RNH1: variants seen among roughly 807,000 people sequenced by gnomAD.
The protein encoded by RNH1 is ribonuclease inhibitor.
A neutral mutation model predicts 46.1 loss-of-function variants in RNH1; 38 were observed. The ratio of observed to expected loss-of-function variants is 0.82; its 90% CI spans 0.64 to 1.08. The LOEUF (loss-of-function observed/expected upper bound fraction) is 1.08. Among genes scored for constraint, RNH1 ranks in the 50% least tolerant of loss-of-function variants. RNH1 has a pLI of 0.00. For synonymous variants in RNH1, 319 were observed against 279.1 expected (o/e 1.14, Z -1.43); for missense variants, 577 against 590.7 (o/e 0.98, Z 0.24).
chr11:507,012 A>T (rs1002863413), intron 1 of RNH1, 101 bp downstream of exon 1: 1 of 151,856 alleles, frequency 6.6e-6, no homozygotes, highest in Non-Finnish European at 1.5e-5. Context: ...CCCGCGCAGC[A>T]ACGGCCTCAA....
chr11:497,879 C>A, intron 9 of RNH1, 92 bp downstream of exon 9: 1 of 1,457,200 alleles, frequency 6.9e-7, no homozygotes, highest in Non-Finnish European at 9.3e-7. Context: ...GACACTCGTG[C>A]TCACACAGAT....
At chr11:496,094 G>T (rs1849032182) in intron 9 of RNH1, among the ~76,000 whole-genome samples, 1 of 151,686 alleles carries the variant, frequency 6.6e-6, no homozygotes, top group Non-Finnish European at 1.5e-5. Context: ...CATAAGAAAG[G>T]AGAGAGAAAA....
intron 9 of RNH1, 135 bp downstream of exon 9, chr11:497,836 C>T (rs1849312158): frequency 2.8e-6 from 3 of 1,078,946 alleles, no homozygotes; most frequent in Non-Finnish European, 4.0e-6. Context: ...CGTGCTCACA[C>T]TCGCCTCACC....
rs1849414548 is a variant in RNH1, at chr11:498,795, C to A, written c.753G>T (p.Leu251=). The A allele has an allele frequency of 6.2e-7, 1 of 1,605,506 alleles. No homozygotes were observed. Among genetic ancestry groups the A allele is most frequent in the Non-Finnish European group, 8.5e-7 (1 of 1,179,118 alleles). The change falls in exon 7 of 11, where the codon CTG becomes CTT. Residue 251 remains leucine, a synonymous_variant. Coordinates refer to ENST00000354420, the MANE Select transcript of RNH1 (RefSeq NM_203387.3). ...TCCTGAGCCTGGAGCTGGGGTGGAG[C>A]AGCCCTGGGCACAGCTCCGCCATGC... ...DVGMAELCPG[L]LHPSSRLRTL...
Position 494,771 on chromosome 11 carries a change from C to G in RNH1, c.1306G>C (p.Asp436His). ...TCCATCTCCTCAGACCAGTAAATGTCGTACAGGCTGCACACAGGCCAGAAG... is the reference window on the plus strand; with the variant it reads ...TCCATCTCCTCAGACCAGTAAATGTGGTACAGGCTGCACACAGGCCAGAAG... ...GCLLEQLVLY[D>H]IYWSEEMEDR... The change falls in exon 11 of 11, where the codon GAC (aspartate) becomes CAC (histidine). Residue 436 changes from aspartate (D) to histidine (H), a missense_variant. Transcript: ENST00000354420. 6.2e-7 allele frequency: 1 copy of G among 1,613,948 alleles called. No individual in the cohort carries two copies. The highest frequency in any genetic ancestry group is 8.5e-7 in the Non-Finnish European group (1 of 1,179,964).
rs1849726037 is a variant in RNH1, at chr11:501,235, T to C, written c.102-581A>G. 5.0e-6 allele frequency: 1 copy of C among 201,338 alleles called. No individual in the cohort carries two copies. Among genetic ancestry groups the C allele is most frequent in the African/African-American group, 2.3e-5 (1 of 42,842 alleles). The allele number at this position is 201,338 out of a possible 1,614,324, so 12.5% of individuals were successfully genotyped here. A position where few individuals can be genotyped will look rare whatever the true frequency, so the allele number is the denominator to read the frequency against. On this transcript the variant is annotated intron_variant, in intron 3 of 10. Transcript: ENST00000354420. This position sits in a 1 kb window ranked among gnomAD's most constrained non-coding sequence, Gnocchi z 4.1. Reference sequence around the variant, plus strand: ...GACGGCGCCTGTGACAGGACGCTCCTGGCAGGCCCCACGGCATCTCCCTGC... The same window carrying C: ...GACGGCGCCTGTGACAGGACGCTCCCGGCAGGCCCCACGGCATCTCCCTGC...
At position 499,524 on chromosome 11, in the gene RNH1, T is replaced by C. The variant is rs1035603414; in HGVS notation, c.443+305A>G. The C allele has an allele frequency of 4.3e-6, 3 of 696,688 alleles. No homozygotes were observed. The Admixed American group carries it at 6.0e-5, about 14-fold the overall frequency. The allele number at this position is 696,688 out of a possible 1,614,324, so 43.2% of individuals were successfully genotyped here. ...GGGTCCCCCACACACACTGAGGCGG[T>C]GAGTGGAACCTGACTCACGGCCAGG... On this transcript the variant is annotated intron_variant, in intron 5 of 10. Coordinates refer to ENST00000354420, the MANE Select transcript of RNH1 (RefSeq NM_203387.3).
At chr11:497,359 A>G (rs3020895) in intron 9 of RNH1, among the ~76,000 whole-genome samples, 75,155 of 129,480 alleles carry the variant, frequency 0.58, 21,698 homozygotes, top group African/African-American at 0.75. Flanking sequence ...ACGGACACTC[A>G]TGCTCACTCA....
At chr11:497,130 C>A (rs1484813268) in intron 9 of RNH1, among the ~76,000 whole-genome samples, 7 of 146,826 alleles carry the variant, frequency 4.8e-5, no homozygotes, top group Non-Finnish European at 1.1e-4. Flanking sequence ...CGCCCATGTG[C>A]TCACACTCAC....
chr11:506,685 T>A (rs1052132101), intron 1 of RNH1: 7 of 152,218 alleles, frequency 4.6e-5, no homozygotes, highest in Admixed American at 4.6e-4. Flanking sequence ...GGCCGCTTCT[T>A]TGGGGGAATA....
Position 499,225 on chromosome 11 carries a change from A to C in RNH1, c.444-40T>G, listed in dbSNP as rs778630571. The stretch of plus-strand genomic sequence containing the variant: ...AGCTCAGCACCACACAGGAATGTGC[A>C]CCAGCCAAGGGTGTGATACCAGGGA... On this transcript the variant is annotated intron_variant, in intron 5 of 10. Transcript: ENST00000354420. 15 of 1,604,088 alleles carry C rather than the reference A, an allele frequency of 9.4e-6. No homozygotes were observed. In the South Asian group the frequency reaches 1.6e-4, roughly 18 times the overall value.
chr11:497,856 TCA>T (rs1849315063), intron 9 of RNH1, 113 bp downstream of exon 9: 11 of 1,271,614 alleles, frequency 8.7e-6, no homozygotes, highest in East Asian at 2.4e-5. Flanking sequence ...CCATGTGTGC[TCA>T]CATACACACG....
chr11:495,857 C>T (rs1849005159), intron 9 of RNH1, among the ~76,000 whole-genome samples: 1 of 152,178 alleles, frequency 6.6e-6, no homozygotes, highest in Admixed American at 6.5e-5. Context: ...GCACCTGGTG[C>T]CCAGCCCAGG....
intron 1 of RNH1, chr11:505,378 C>G (rs546974600): frequency 6.6e-6 from 1 of 152,018 alleles, no homozygotes; most frequent in African/African-American, 2.4e-5. Context: ...TGAAGGCTAC[C>G]CTGGGGTGTC....
intron 2 of RNH1, among the ~76,000 whole-genome samples, chr11:503,730 G>A (rs1359826432): frequency 2.0e-5 from 3 of 152,188 alleles, no homozygotes; most frequent in Non-Finnish European, 4.4e-5. Flanking sequence ...GGTGGCCCCA[G>A]GGTGTCCTCC....
chr11:506,373 G>A (rs1273803925), intron 1 of RNH1: 1 of 152,182 alleles, frequency 6.6e-6, no homozygotes, highest in African/African-American at 2.4e-5. Context: ...ACCTTGGCTG[G>A]AACCTCGCCC....
At chr11:503,039 G>C (rs1204574576) in intron 2 of RNH1, 1 of 152,324 alleles carries the variant, frequency 6.6e-6, no homozygotes, top group Non-Finnish European at 1.5e-5. Context: ...ACCTTGGTTG[G>C]TGGATACATT....
intron 9 of RNH1, among the ~76,000 whole-genome samples, chr11:496,698 A>G (rs192683666): frequency 1.5e-4 from 23 of 152,384 alleles, no homozygotes; most frequent in Admixed American, 1.3e-3. Flanking sequence ...TTAGCCGGGC[A>G]TAATGGTGCA....
chr11:500,163 G>A (rs1849612676), intron 4 of RNH1, 164 bp from the exon 5 acceptor site: 3 of 823,844 alleles, frequency 3.6e-6, no homozygotes, highest in Admixed American at 2.9e-5. Context: ...CCGAGTGAAG[G>A]AGGGCACGCA....
Sources: gnomAD v4.1 joint callset for allele counts (sites outside exome capture counted in the v4.1 genomes callset) on GRCh38, gnomAD v4.1.1 for gene constraint, Gnocchi (gnomAD v3.1) non-coding constraint, MANE v1.5 for transcripts, NCBI Gene and HGNC (gene_info 2026-07-23, HGNC 2026-07-21) for gene names.